CCAR1: variants seen among roughly 807,000 people sequenced by gnomAD.
CCAR1 encodes cell division cycle and apoptosis regulator 1, also known as cell division cycle and apoptosis regulator protein 1.
CCAR1 carries 78 observed loss-of-function variants against 163.8 expected under a neutral mutation model. That is an observed-to-expected ratio of 0.48 (90% CI 0.40 to 0.57). The LOEUF (loss-of-function observed/expected upper bound fraction) is 0.57, where lower values mean the gene tolerates loss of function less well. CCAR1 is among the 20% of genes least tolerant of loss of function. CCAR1 has a pLI of 0.00. For missense variants in CCAR1, 1,019 were observed against 1,365.2 expected (o/e 0.75, Z 4.00); for synonymous variants, 443 against 460.7 (o/e 0.96, Z 0.49).
chr10:68,733,009 A>G (rs2133313444), intron 2 of CCAR1, among the ~76,000 whole-genome samples: 1 of 152,258 alleles, frequency 6.6e-6, no homozygotes, highest in Non-Finnish European at 1.5e-5. Flanking sequence ...ATTTTGAATT[A>G]ATACTGGTGT....
chr10:68,776,627 C>A (rs566241860), intron 19 of CCAR1, among the ~76,000 whole-genome samples: 1 of 152,194 alleles, frequency 6.6e-6, no homozygotes, highest in Non-Finnish European at 1.5e-5. Context: ...GGTCATAGCT[C>A]ACTGCAGCCT....
chr10:68,787,154 T>G (rs2056804491), intron 21 of CCAR1, among the ~76,000 whole-genome samples: 1 of 152,174 alleles, frequency 6.6e-6, no homozygotes, highest in Admixed American at 6.6e-5. Flanking sequence ...CTCCCTCTGT[T>G]TCTACTCCTT....
intron 19 of CCAR1, among the ~76,000 whole-genome samples, chr10:68,774,603 C>T (rs1442141865): frequency 2.6e-5 from 4 of 151,584 alleles, no homozygotes; most frequent in African/African-American, 9.7e-5. Flanking sequence ...TGCACTCTAG[C>T]CATGGCAACT....
chr10:68,776,435 G>A (rs140471702), intron 19 of CCAR1, among the ~76,000 whole-genome samples: 2,317 of 151,956 alleles, frequency 0.015, 184 homozygotes, highest in Admixed American at 0.1. Flanking sequence ...GCGTGGTGGC[G>A]GATGCCTGTA....
At chr10:68,791,030 T>C (rs796277729) in intron 24 of CCAR1, among the ~76,000 whole-genome samples, 177 bp from the exon 25 acceptor site, 8 of 152,246 alleles carry the variant, frequency 5.3e-5, no homozygotes, top group African/African-American at 1.7e-4. Context: ...CATTTATTCT[T>C]GGGCAGAATT....
intron 16 of CCAR1, among the ~76,000 whole-genome samples, chr10:68,764,166 C>G (rs2056508382): frequency 6.6e-6 from 1 of 152,174 alleles, no homozygotes; most frequent in African/African-American, 2.4e-5. Flanking sequence ...AGTGATCTGA[C>G]TCTACCCTAT....
At chr10:68,736,061 C>T (rs1157048758) in intron 2 of CCAR1, among the ~76,000 whole-genome samples, 1 of 152,012 alleles carries the variant, frequency 6.6e-6, no homozygotes, top group African/African-American at 2.4e-5. Context: ...CTATGTTGGC[C>T]AGCCTGGTCT....
chr10:68,777,945 G>A (rs2056688551), intron 19 of CCAR1, among the ~76,000 whole-genome samples: 1 of 152,214 alleles, frequency 6.6e-6, no homozygotes, highest in South Asian at 2.1e-4. Flanking sequence ...AGAAGGCCGG[G>A]TGCGGTGGCT....
At chr10:68,785,563 G>A (rs966078899) in intron 19 of CCAR1, among the ~76,000 whole-genome samples, 1 of 152,120 alleles carries the variant, frequency 6.6e-6, no homozygotes, top group Admixed American at 6.6e-5. Flanking sequence ...AAATTTGTTT[G>A]ACTAGCTTTA....
intron 2 of CCAR1, among the ~76,000 whole-genome samples, chr10:68,734,401 C>G (rs1299620736): frequency 6.6e-6 from 1 of 152,062 alleles, no homozygotes; most frequent in Non-Finnish European, 1.5e-5. Context: ...GCCTGTAATC[C>G]TAACACTTTG....
At chr10:68,770,517 C>T (rs1048769578) in intron 17 of CCAR1, among the ~76,000 whole-genome samples, 2 of 152,116 alleles carry the variant, frequency 1.3e-5, no homozygotes, top group Admixed American at 6.6e-5. Context: ...CCAAGGCAGG[C>T]GGATCACCTG....
At chr10:68,743,453 A>G (rs1011894052) in intron 6 of CCAR1, among the ~76,000 whole-genome samples, 17 of 151,990 alleles carry the variant, frequency 1.1e-4, no homozygotes, top group African/African-American at 4.1e-4. Flanking sequence ...GGTGTGAGCC[A>G]CTGTGTCTGG....
At chr10:68,771,092 T>G in intron 17 of CCAR1, 114 bp from the exon 18 acceptor site, 1 of 896,526 alleles carries the variant, frequency 1.1e-6, no homozygotes, top group Non-Finnish European at 1.7e-6. Flanking sequence ...AAAAAAAAGT[T>G]TGATAAGTTT....
Position 68,755,639 on chromosome 10 carries a change from G to T in CCAR1, c.1625+103G>T, listed in dbSNP as rs558847886. 7.3e-5 allele frequency: 64 copies of T among 876,500 alleles called. 1 individual carries two copies. In the South Asian group the frequency reaches 1.1e-3, roughly 15 times the overall value. The allele number at this position is 876,500 out of a possible 1,614,324, so 54.3% of individuals were successfully genotyped here. A position where few individuals can be genotyped will look rare whatever the true frequency, so the allele number is the denominator to read the frequency against. On this transcript the variant is annotated intron_variant, in intron 13 of 24. Transcript: ENST00000265872. ...CCCCCGGCTTATTTTAGCAACCCTG[G>T]TCAATGCAGGTAATCTCAAAGGAAA...
rs533307415 is a variant in CCAR1, at chr10:68,749,893, A to G, written c.1118+208A>G. ...CATGAAGGATATCGACTGGTATTGA[A>G]AAAGGCAGCCCCTCAAGGAAATTCC... On this transcript the variant is annotated intron_variant, in intron 10 of 24. Transcript: ENST00000265872. Among the ~76,000 whole-genome samples the G allele has an allele frequency of 1.6e-4, 24 of 152,268 alleles. No individual in the cohort carries two copies. The South Asian group carries it at 5.0e-3, about 32-fold the overall frequency.
At chr10:68,725,005 G>C (rs569553819) in intron 2 of CCAR1, among the ~76,000 whole-genome samples, 1 of 152,074 alleles carries the variant, frequency 6.6e-6, no homozygotes, top group Non-Finnish European at 1.5e-5. Flanking sequence ...TGGCGTGGTG[G>C]CACGTGTCTG....
chr10:68,723,709 A>C (rs1048406950), intron 2 of CCAR1, among the ~76,000 whole-genome samples: 6 of 151,674 alleles, frequency 4.0e-5, no homozygotes, highest in African/African-American at 1.5e-4. Flanking sequence ...TTAGTCGGGC[A>C]TGGTGGCAGG....
chr10:68,729,648 A>G (rs1347155492), intron 2 of CCAR1, among the ~76,000 whole-genome samples: 1 of 151,618 alleles, frequency 6.6e-6, no homozygotes, highest in Non-Finnish European at 1.5e-5. Context: ...GTGGTGGCAC[A>G]TGCCAGTAGT....
intron 4 of CCAR1, among the ~76,000 whole-genome samples, chr10:68,738,737 A>C (rs2056145488): frequency 6.6e-6 from 1 of 152,122 alleles, no homozygotes; most frequent in Non-Finnish European, 1.5e-5. Flanking sequence ...AAATATTAAA[A>C]TAGAACTGTT....
Sources: allele counts gnomAD v4.1 joint callset (sites outside exome capture counted in the v4.1 genomes callset), GRCh38; gene constraint gnomAD v4.1.1; transcripts MANE v1.5; gene names NCBI Gene and HGNC (gene_info 2026-07-23, HGNC 2026-07-21).